The following GOLGA5 variants were observed in gnomAD, a reference collection of about 807,000 sequenced individuals.
GOLGA5 encodes the protein golgin subfamily A member 5.
Under a neutral mutation model 93.5 loss-of-function variants are expected in GOLGA5, and 50 were observed. That is an observed-to-expected ratio of 0.53 (90% CI 0.43 to 0.68). The LOEUF is 0.68. Among genes scored for constraint, GOLGA5 ranks in the 30% least tolerant of loss-of-function variants. GOLGA5 has a pLI of 0.00. For synonymous variants in GOLGA5, 312 were observed against 304.5 expected, an observed-to-expected ratio of 1.02 and a Z score of -0.26; for missense variants, 760 against 856.4, an observed-to-expected ratio of 0.89 and a Z score of 1.40.
intron 2 of GOLGA5, among the ~76,000 whole-genome samples, chr14:92,805,940 C>CT (rs1884974750): frequency 6.8e-6 from 1 of 148,098 alleles, no homozygotes; most frequent in Admixed American, 6.8e-5. Flanking sequence ...TCATGTGTCT[C>CT]TATCTCTTTG....
chr14:92,803,511 A>G (rs1167668197), intron 2 of GOLGA5, among the ~76,000 whole-genome samples: 3 of 152,222 alleles, frequency 2.0e-5, no homozygotes, highest in Admixed American at 6.5e-5. Flanking sequence ...CTCTGTGCTA[A>G]AACCATCAGG....
chr14:92,826,461 C>T (rs1885423828), intron 9 of GOLGA5, among the ~76,000 whole-genome samples: 1 of 151,616 alleles, frequency 6.6e-6, no homozygotes, highest in African/African-American at 2.4e-5. Context: ...TTTGGGAGGC[C>T]AAGGTGGGCA....
chr14:92,803,891 T>C (rs1375118213), intron 2 of GOLGA5, among the ~76,000 whole-genome samples: 3 of 152,254 alleles, frequency 2.0e-5, no homozygotes, highest in African/African-American at 7.2e-5. Flanking sequence ...AACTGCACGA[T>C]AAGTATTGTG....
chr14:92,800,110 C>T (rs1884836929), intron 2 of GOLGA5, among the ~76,000 whole-genome samples: 1 of 152,198 alleles, frequency 6.6e-6, no homozygotes, highest in African/African-American at 2.4e-5. Flanking sequence ...TCCAAAATTT[C>T]TTCTCAGCTA....
chr14:92,804,854 G>T (rs1217320419), intron 2 of GOLGA5, among the ~76,000 whole-genome samples: 1 of 151,022 alleles, frequency 6.6e-6, no homozygotes, highest in African/African-American at 2.4e-5. Flanking sequence ...CACTATGTTG[G>T]CCAGGCTGGT....
intron 1 of GOLGA5, among the ~76,000 whole-genome samples, chr14:92,795,159 A>T (rs1884697388): frequency 6.6e-6 from 1 of 152,136 alleles, no homozygotes; most frequent in African/African-American, 2.4e-5. Flanking sequence ...GGCTGGTCTC[A>T]AACTCCTGGC....
chr14:92,825,236 A>G (rs749617471), intron 9 of GOLGA5, among the ~76,000 whole-genome samples: 6 of 152,188 alleles, frequency 3.9e-5, no homozygotes, highest in Non-Finnish European at 7.4e-5. Flanking sequence ...ATAAAGATTG[A>G]GTCTTTATTT....
chr14:92,828,548 T>C (rs1158776210), intron 9 of GOLGA5, among the ~76,000 whole-genome samples: 1 of 152,380 alleles, frequency 6.6e-6, no homozygotes, highest in Non-Finnish European at 1.5e-5. Flanking sequence ...ATGTTGTTTA[T>C]GAAAACATTT....
intron 5 of GOLGA5, 101 bp downstream of exon 5, chr14:92,810,478 T>C (rs1595594633): frequency 1.2e-6 from 1 of 808,332 alleles, no homozygotes; most frequent in East Asian, 3.1e-5. Flanking sequence ...AATTCTGCAA[T>C]GCATTTCAGA....
At chr14:92,821,873 A>G (rs1247482562) in intron 8 of GOLGA5, among the ~76,000 whole-genome samples, 1 of 152,230 alleles carries the variant, frequency 6.6e-6, no homozygotes, top group East Asian at 1.9e-4. Flanking sequence ...GCACTATTAT[A>G]TATTAAAAGG....
chr14:92,800,138 C>T (rs1274803598), intron 2 of GOLGA5, among the ~76,000 whole-genome samples: 2 of 152,164 alleles, frequency 1.3e-5, no homozygotes, highest in Non-Finnish European at 2.9e-5. Context: ...ATTAATTACA[C>T]AAAGAACCTA....
rs750801447 is a variant in GOLGA5 at position 92,824,660 on chromosome 14, C to T, written c.1719+16C>T. 7.5e-7 allele frequency: 1 copy of T among 1,337,650 alleles called. No individual in the cohort carries two copies. The highest frequency in any genetic ancestry group is 1.1e-6 in the Non-Finnish European group (1 of 939,266). The allele number at this position is 1,337,650 out of a possible 1,614,324, so 82.9% of individuals were successfully genotyped here. A position where few individuals can be genotyped will look rare whatever the true frequency, so the allele number is the denominator to read the frequency against. ...CAGGAATCAGGTATGAATCACTATT[C>T]ACAACTTGTGAAAAGATGCCACTGA... On this transcript the variant is annotated intron_variant, in intron 9 of 12. Transcript: ENST00000163416.
At chr14:92,794,623 C>T (rs1023174229) in intron 1 of GOLGA5, among the ~76,000 whole-genome samples, 167 bp downstream of exon 1, 7 of 152,244 alleles carry the variant, frequency 4.6e-5, no homozygotes, top group African/African-American at 9.6e-5. Context: ...ACTCCTTGGG[C>T]TTCAGCCGAC....
intron 2 of GOLGA5, among the ~76,000 whole-genome samples, chr14:92,802,995 A>G (rs1022237353): frequency 2.6e-5 from 4 of 151,924 alleles, no homozygotes; most frequent in African/African-American, 9.7e-5. Context: ...TATTCCCTTT[A>G]GGATTTTTGC....
Position 92,797,555 on chromosome 14 carries a change from A to G in GOLGA5, c.118A>G (p.Thr40Ala), listed in dbSNP as rs1453862054. ...TGCCAGCAACATATATAGCAAAAAT[A>G]CTGACTATACTGAACTTCACCAGCA... ...DNASNIYSKN[T>A]DYTELHQQNT... Residue 40 changes from threonine (T) to alanine (A), a missense_variant, in exon 2 of 13, where the codon ACT becomes GCT. Physicochemically the swap from Thr to Ala is moderately conservative, Grantham distance 58 (BLOSUM62 0). Coordinates refer to ENST00000163416, the MANE Select transcript of GOLGA5 (RefSeq NM_005113.4). The G allele has an allele frequency of 1.9e-6, 3 of 1,613,144 alleles. No homozygotes were observed. The highest frequency in any genetic ancestry group is 2.5e-6 in the Non-Finnish European group (3 of 1,179,090).
intron 6 of GOLGA5, among the ~76,000 whole-genome samples, chr14:92,814,061 G>A (rs1394974180): frequency 6.6e-6 from 1 of 152,072 alleles, no homozygotes; most frequent in Non-Finnish European, 1.5e-5. Flanking sequence ...TTAAAGGAGA[G>A]TATGACGAAT....
intron 7 of GOLGA5, among the ~76,000 whole-genome samples, chr14:92,819,233 A>G (rs1412186949): frequency 6.6e-6 from 1 of 152,130 alleles, no homozygotes; most frequent in Non-Finnish European, 1.5e-5. Context: ...CGCCCCATTC[A>G]TTCTGCTGTT....
At chr14:92,807,520 G>A (rs1389538888) in intron 3 of GOLGA5, among the ~76,000 whole-genome samples, 4 of 152,146 alleles carry the variant, frequency 2.6e-5, no homozygotes, top group African/African-American at 7.2e-5. Flanking sequence ...CCATGAAATT[G>A]AAGAACTGAG....
intron 2 of GOLGA5, among the ~76,000 whole-genome samples, chr14:92,802,231 T>C (rs1015136422): frequency 1.3e-5 from 2 of 152,214 alleles, no homozygotes. Flanking sequence ...AAAGATCTTA[T>C]ATACTTTATG....
Sources: gnomAD v4.1 joint callset for allele counts (sites outside exome capture counted in the v4.1 genomes callset) on GRCh38, gnomAD v4.1.1 for gene constraint, MANE v1.5 for transcripts, NCBI Gene and HGNC (gene_info 2026-07-23, HGNC 2026-07-21) for gene names.